The following PCDHB2 variants were observed in gnomAD, a reference collection of about 807,000 sequenced individuals.
PCDHB2 encodes protocadherin beta-2.
For synonymous variants in PCDHB2, 395 were observed against 464.9 expected, an observed-to-expected ratio of 0.85 and a Z score of 1.93; for missense variants, 914 against 1,023.1, an observed-to-expected ratio of 0.89 and a Z score of 1.45.
chr5:141,095,703 T>A lies in PCDHB2; in HGVS notation c.913T>A (p.Leu305Ile). The change falls in exon 1 of 1, where the codon TTA (leucine) becomes ATA (isoleucine). Residue 305 changes from leucine (L) to isoleucine (I), a missense_variant. Leu to Ile is a conservative substitution (Grantham distance 5). Transcript: ENST00000194155. ...RLSAKSGELL[L>I]RQKLDFESIQ... ...AAGTGCAAAATCGGGAGAACTGCTT[T>A]TAAGACAGAAACTGGATTTCGAATC... The A allele has an allele frequency of 1.2e-6, 2 of 1,614,188 alleles. No homozygotes were observed. The highest frequency in any genetic ancestry group is 1.7e-6 in the Non-Finnish European group (2 of 1,180,014).
Position 141,095,216 on chromosome 5 carries a change from G to A in PCDHB2, c.426G>A (p.Leu142=), listed in dbSNP as rs1554271191. 1 of 1,611,280 alleles carries A rather than the reference G, an allele frequency of 6.2e-7. No homozygotes were observed. The highest frequency in any genetic ancestry group is 1.7e-5 in the Admixed American group (1 of 59,480). The change falls in exon 1 of 1, where the codon TTG becomes TTA. Residue 142 remains leucine (L), a synonymous_variant. Coordinates refer to ENST00000194155, the MANE Select transcript of PCDHB2 (RefSeq NM_018936.4). Reference sequence around the variant, plus strand: ...TTTTCCTAGACAAAGAAATACTTTTGAAAATTCCAGAAAGTATCACTCCTG... The same window carrying A: ...TTTTCCTAGACAAAGAAATACTTTTAAAAATTCCAGAAAGTATCACTCCTG... ...SPVFLDKEIL[L]KIPESITPGT...
At position 141,096,890 on chromosome 5, in the gene PCDHB2, T is replaced by G. The variant is rs1220422193; in HGVS notation, c.2100T>G (p.Ser700=). Residue 700 remains serine, a synonymous_variant, in exon 1 of 1, where the codon TCT becomes TCG. Transcript: ENST00000194155. ...TGGTGGTGGCGTTGGCCTCGGTGTC[T>G]TCGCTCTTCCTCTTCTCGGTGCTCC... ...VYLVVALASV[S]SLFLFSVLLF... 7 of 1,611,886 alleles carry G rather than the reference T, an allele frequency of 4.3e-6. No individual in the cohort carries two copies. The highest frequency in any genetic ancestry group is 2.2e-5 in the South Asian group (2 of 90,994).
chr5:141,095,168 G>C lies in PCDHB2; in HGVS notation c.378G>C (p.Arg126Ser). 1 of 1,611,532 alleles carries C rather than the reference G, an allele frequency of 6.2e-7. No individual in the cohort carries two copies. ...LQFFQAELRIRDVNDHSPVFL... is the reference protein window; with the variant it reads ...LQFFQAELRISDVNDHSPVFL... ...TTTTTCAGGCGGAGCTACGGATTAG[G>C]GACGTAAATGATCATTCCCCAGTTT... The change falls in exon 1 of 1, where the codon AGG (arginine) becomes AGC (serine). Residue 126 changes from arginine (R) to serine (S), a missense_variant. Coordinates refer to ENST00000194155, the MANE Select transcript of PCDHB2 (RefSeq NM_018936.4).
Position 141,096,854 on chromosome 5 carries a change from C to T in PCDHB2, c.2064C>T (p.Leu688=). Residue 688 remains leucine (L), a synonymous_variant, in exon 1 of 1, where the codon CTC becomes CTT. Coordinates refer to ENST00000194155, the MANE Select transcript of PCDHB2 (RefSeq NM_018936.4). Reference sequence around the variant, plus strand: ...CGGCCCAGGCCCAGGCCGACTTGCTCACCGTCTACCTGGTGGTGGCGTTGG... The same window carrying T: ...CGGCCCAGGCCCAGGCCGACTTGCTTACCGTCTACCTGGTGGTGGCGTTGG... ...AAPAQAQADL[L]TVYLVVALAS... 6.2e-7 allele frequency: 1 copy of T among 1,611,450 alleles called. No individual in the cohort carries two copies. Among genetic ancestry groups the T allele is most frequent in the Non-Finnish European group, 8.5e-7 (1 of 1,179,796 alleles).
At position 141,096,249 on chromosome 5, in the gene PCDHB2, C is replaced by T. The variant is rs1751817622; in HGVS notation, c.1459C>T (p.Gln487Ter). The change falls in exon 1 of 1, where the codon CAG (glutamine) becomes TAG (stop). Residue 487 changes from glutamine (Q) to a stop codon, truncating the protein, a stop_gained. Coordinates refer to ENST00000194155, the MANE Select transcript of PCDHB2 (RefSeq NM_018936.4). LOFTEE classifies it low-confidence loss of function (END_TRUNC). ...AGACAGAGACTCGGGCACCAACGCC[C>T]AGGTCACCTACTCGCTGCTGCCGCC... ...ATDRDSGTNA[Q>*]VTYSLLPPQD... The T allele has an allele frequency of 6.2e-7, 1 of 1,612,998 alleles. No homozygotes were observed. Among genetic ancestry groups the T allele is most frequent in the African/African-American group, 1.3e-5 (1 of 74,920 alleles).
In PCDHB2 at chr5:141,096,349, C is replaced by T; in HGVS notation, c.1559C>T (p.Ser520Leu). 1 of 1,613,176 alleles carries T rather than the reference C, an allele frequency of 6.2e-7. No homozygotes were observed. Among genetic ancestry groups the T allele is most frequent in the Non-Finnish European group, 8.5e-7 (1 of 1,179,834 alleles). The change falls in exon 1 of 1, where the codon TCG becomes TTG. Residue 520 changes from serine to leucine, a missense_variant. By Grantham distance (145) the Ser-to-Leu change is moderately radical (BLOSUM62 -2). Coordinates refer to ENST00000194155, the MANE Select transcript of PCDHB2 (RefSeq NM_018936.4). ...AACGGCCACCTGTTCGCTCTCCAGT[C>T]GCTGGACTACGAGGCCCTGCAGGCG... The part of the protein sequence containing the change: ...ADNGHLFALQ[S>L]LDYEALQAFE...
At position 141,095,060 on chromosome 5, in the gene PCDHB2, G is replaced by A. The variant is rs781819860; in HGVS notation, c.270G>A (p.Glu90=). 11 of 1,614,004 alleles carry A rather than the reference G, an allele frequency of 6.8e-6. No individual in the cohort carries two copies. Among genetic ancestry groups the A allele is most frequent in the African/African-American group, 1.3e-5 (1 of 74,908 alleles). The change falls in exon 1 of 1, where the codon GAG becomes GAA. Residue 90 remains glutamate, a synonymous_variant. Transcript: ENST00000194155. ...AGACCGGGGATTTGTTGTTAAATGA[G>A]AAATTGGACCGGGAGGAGCTGTGCG... is the stretch of plus-strand genomic sequence containing the variant. ...DRQTGDLLLN[E]KLDREELCGP...
Position 141,098,545 on chromosome 5 carries a change from G to C in PCDHB2, c.*1358G>C, listed in dbSNP as rs1326617995. ...TCAATGCTTTTTTATAAAGGTGCTT[G>C]AGTTCTGTTTCTCAACAGCTCCCTC... On this transcript the variant is annotated 3_prime_UTR_variant, in exon 1 of 1. Coordinates refer to ENST00000194155, the MANE Select transcript of PCDHB2 (RefSeq NM_018936.4). 1 of 151,958 alleles carries C rather than the reference G, an allele frequency of 6.6e-6. No homozygotes were observed. The highest frequency in any genetic ancestry group is 1.5e-5 in the Non-Finnish European group (1 of 67,996). 9.4% of individuals were successfully genotyped at this position (151,958 alleles called of 1,614,324 possible).
Position 141,098,552 on chromosome 5 carries a change from G to C in PCDHB2, c.*1365G>C, listed in dbSNP as rs1317142858. ...TTTTTTATAAAGGTGCTTGAGTTCTGTTTCTCAACAGCTCCCTCATTTATT... is the reference window on the plus strand; with the variant it reads ...TTTTTTATAAAGGTGCTTGAGTTCTCTTTCTCAACAGCTCCCTCATTTATT... On this transcript the variant is annotated 3_prime_UTR_variant, in exon 1 of 1. Coordinates refer to ENST00000194155, the MANE Select transcript of PCDHB2 (RefSeq NM_018936.4). The C allele has an allele frequency of 6.6e-6, 1 of 152,074 alleles. No individual in the cohort carries two copies. Among genetic ancestry groups the C allele is most frequent in the African/African-American group, 2.4e-5 (1 of 41,472 alleles). 9.4% of individuals were successfully genotyped at this position (152,074 alleles called of 1,614,324 possible).
rs1751816610 is a variant in PCDHB2, at chr5:141,096,234, T to C, written c.1444T>C (p.Ser482Pro). 6.2e-7 allele frequency: 1 copy of C among 1,612,968 alleles called. No individual in the cohort carries two copies. The highest frequency in any genetic ancestry group is 8.5e-7 in the Non-Finnish European group (1 of 1,180,016). Residue 482 changes from serine (S) to proline (P), a missense_variant, in exon 1 of 1, where the codon TCG becomes CCG. Coordinates refer to ENST00000194155, the MANE Select transcript of PCDHB2 (RefSeq NM_018936.4). ...CAGCGTCAGCGCCACAGACAGAGACTCGGGCACCAACGCCCAGGTCACCTA... is the reference window on the plus strand; with the variant it reads ...CAGCGTCAGCGCCACAGACAGAGACCCGGGCACCAACGCCCAGGTCACCTA... ...IGSVSATDRDSGTNAQVTYSL... is the reference protein window; with the variant it reads ...IGSVSATDRDPGTNAQVTYSL...
In PCDHB2 at chr5:141,096,276, C is replaced by G. The variant is rs781952885; in HGVS notation, c.1486C>G (p.Gln496Glu). The G allele has an allele frequency of 1.2e-6, 2 of 1,613,312 alleles. No homozygotes were observed. Among genetic ancestry groups the G allele is most frequent in the South Asian group, 1.1e-5 (1 of 91,038 alleles). Residue 496 changes from glutamine (Q) to glutamate (E), a missense_variant, in exon 1 of 1, where the codon CAG becomes GAG. Transcript: ENST00000194155. ...GGTCACCTACTCGCTGCTGCCGCCCCAGGACCCGCACCTGCCCCTCGCCTC... is the reference window on the plus strand; with the variant it reads ...GGTCACCTACTCGCTGCTGCCGCCCGAGGACCCGCACCTGCCCCTCGCCTC... ...AQVTYSLLPPQDPHLPLASLV... is the reference protein window; with the variant it reads ...AQVTYSLLPPEDPHLPLASLV...
chr5:141,096,646 T>C lies in PCDHB2; in HGVS notation c.1856T>C (p.Val619Ala), dbSNP rs149802008. Residue 619 changes from valine (V) to alanine (A), a missense_variant, in exon 1 of 1, where the codon GTG (valine) becomes GCG (alanine). Val to Ala is a moderately conservative substitution (Grantham distance 64). Transcript: ENST00000194155. ...GCCACGGAGCCCGGGCTGTTCGGCG[T>C]GTGGGCGCACAATGGCGAGGTGCGC... ...LKATEPGLFG[V>A]WAHNGEVRTA... 753 of 1,608,988 alleles carry C rather than the reference T, an allele frequency of 4.7e-4. 2 individuals are homozygous for C. The African/African-American group carries it at 8.3e-3, about 18-fold the overall frequency.
Position 141,097,109 on chromosome 5 carries a change from C to G in PCDHB2, c.2319C>G (p.Ile773Met), listed in dbSNP as rs1588303836. The G allele has an allele frequency of 1.9e-6, 3 of 1,607,082 alleles. No individual in the cohort carries two copies. The highest frequency in any genetic ancestry group is 2.5e-6 in the Non-Finnish European group (3 of 1,176,492). The stretch of plus-strand genomic sequence containing the variant: ...AGTTCAAGTTCCTGAAGCCAATTAT[C>G]CCCAACTTCGTTGCTCAGGGTGCAG... ...TNEFKFLKPI[I>M]PNFVAQGAER... The change falls in exon 1 of 1, where the codon ATC (isoleucine) becomes ATG (methionine). Residue 773 changes from isoleucine (I) to methionine (M), a missense_variant. Physicochemically the swap from Ile to Met is conservative, Grantham distance 10 (BLOSUM62 1). Coordinates refer to ENST00000194155, the MANE Select transcript of PCDHB2 (RefSeq NM_018936.4).
rs1751850731 is a variant in PCDHB2 at position 141,097,071 on chromosome 5, T to A, written c.2281T>A (p.Ser761Thr). 6.2e-7 allele frequency: 1 copy of A among 1,613,232 alleles called. No individual in the cohort carries two copies. Among genetic ancestry groups the A allele is most frequent in the South Asian group, 1.1e-5 (1 of 91,042 alleles). ...YQYEVCLTGG[S>T]GTNEFKFLKP... The stretch of plus-strand genomic sequence containing the variant: ...GTACGAGGTGTGTCTGACTGGAGGC[T>A]CCGGGACAAATGAGTTCAAGTTCCT... Residue 761 changes from serine to threonine, a missense_variant, in exon 1 of 1, where the codon TCC becomes ACC. Physicochemically the swap from Ser to Thr is moderately conservative, Grantham distance 58 (BLOSUM62 1). Transcript: ENST00000194155.
rs1554271572 is a variant in PCDHB2 at position 141,096,634 on chromosome 5, G to A, written c.1844G>A (p.Gly615Glu). The change falls in exon 1 of 1, where the codon GGG (glycine) becomes GAG (glutamate). Residue 615 changes from glycine (G) to glutamate (E), a missense_variant. Physicochemically the swap from Gly to Glu is moderately conservative, Grantham distance 98. Transcript: ENST00000194155. Reference protein sequence around the residue: ...SYQLLKATEPGLFGVWAHNGE... With the variant: ...SYQLLKATEPELFGVWAHNGE... ...CAGCTGCTCAAGGCCACGGAGCCCG[G>A]GCTGTTCGGCGTGTGGGCGCACAAT... 26 of 1,608,262 alleles carry A rather than the reference G, an allele frequency of 1.6e-5. No homozygotes were observed. The highest frequency in any genetic ancestry group is 2.2e-4 in the Middle Eastern group (1 of 4,454).
Position 141,096,724 on chromosome 5 carries a change from T to C in PCDHB2, c.1934T>C (p.Leu645Pro), listed in dbSNP as rs1284569565. The change falls in exon 1 of 1, where the codon CTG (leucine) becomes CCG (proline). Residue 645 changes from leucine (L) to proline (P), a missense_variant. Transcript: ENST00000194155. ...RDAAKQRLVV[L>P]VKDNGEPPRS... ...GCTGCCAAGCAGAGGCTGGTGGTGC[T>C]GGTCAAGGACAATGGCGAGCCTCCG... The C allele has an allele frequency of 2.5e-6, 4 of 1,610,506 alleles. No individual in the cohort carries two copies. The highest frequency in any genetic ancestry group is 3.4e-6 in the Non-Finnish European group (4 of 1,179,668).
At position 141,095,620 on chromosome 5, in the gene PCDHB2, G is replaced by A; in HGVS notation, c.830G>A (p.Gly277Glu). Residue 277 changes from glycine to glutamate, a missense_variant, in exon 1 of 1, where the codon GGA (glycine) becomes GAA (glutamate). By Grantham distance (98) the Gly-to-Glu change is moderately conservative. Transcript: ENST00000194155. ...SARDLDIGTN[G>E]EISYAFSQAS... The stretch of plus-strand genomic sequence containing the variant: ...AGGGATTTAGACATTGGAACTAATG[G>A]AGAAATATCTTATGCATTTTCCCAA... 2 of 1,614,214 alleles carry A rather than the reference G, an allele frequency of 1.2e-6. No individual in the cohort carries two copies. Among genetic ancestry groups the A allele is most frequent in the Non-Finnish European group, 1.7e-6 (2 of 1,180,048 alleles).
Position 141,095,931 on chromosome 5 carries a change from G to C in PCDHB2, c.1141G>C (p.Gly381Arg), listed in dbSNP as rs569244465. 50 of 1,613,996 alleles carry C rather than the reference G, an allele frequency of 3.1e-5. No individual in the cohort carries two copies. Among genetic ancestry groups the C allele is most frequent in the Non-Finnish European group, 2.2e-5 (26 of 1,180,008 alleles). The change falls in exon 1 of 1, where the codon GGA becomes CGA. Residue 381 changes from glycine to arginine, a missense_variant. Physicochemically the swap from Gly to Arg is moderately radical, Grantham distance 125. Coordinates refer to ENST00000194155, the MANE Select transcript of PCDHB2 (RefSeq NM_018936.4). The stretch of plus-strand genomic sequence containing the variant: ...TTCAGATCCTGACTCCGGAGACAAC[G>C]GAAGGATGGTGTGCTCCATCCAAGA... ...SVSDPDSGDN[G>R]RMVCSIQDDL...
chr5:141,098,191 T>G lies in PCDHB2; in HGVS notation c.*1004T>G, dbSNP rs1298641019. 1 of 152,240 alleles carries G rather than the reference T, an allele frequency of 6.6e-6. No homozygotes were observed. The highest frequency in any genetic ancestry group is 6.5e-5 in the Admixed American group (1 of 15,284). 9.4% of individuals were successfully genotyped at this position (152,240 alleles called of 1,614,324 possible). On this transcript the variant is annotated 3_prime_UTR_variant, in exon 1 of 1. Transcript: ENST00000194155. Reference sequence around the variant, plus strand: ...TGTCTAGCAATTTTCAAAGGCATGCTAATTCATCATGCTTTCTCTTTCAAA... The same window carrying G: ...TGTCTAGCAATTTTCAAAGGCATGCGAATTCATCATGCTTTCTCTTTCAAA...
Sources: gnomAD v4.1 joint callset for allele counts on GRCh38, gnomAD v4.1.1 for gene constraint, MANE v1.5 for transcripts, NCBI Gene and HGNC (gene_info 2026-07-23, HGNC 2026-07-21) for gene names.